MBP: variants seen among roughly 807,000 people sequenced by gnomAD.
The protein encoded by MBP is Golli-MBP.
Under a neutral mutation model 35.8 loss-of-function variants are expected in MBP, and 16 were observed. The ratio of observed to expected loss-of-function variants is 0.45; its 90% CI spans 0.30 to 0.68. MBP has a LOEUF of 0.68. Ranked by LOEUF, MBP falls within the 30% of genes least tolerant of loss-of-function variation. The pLI is 0.08. For missense variants in MBP, 380 were observed against 404.7 expected (o/e 0.94, Z 0.52); for synonymous variants, 143 against 159.6 (o/e 0.90, Z 0.78).
At chr18:77,108,535 T>C (rs1976350980) in intron 1 of MBP, 1 of 152,220 alleles carries the variant, frequency 6.6e-6, no homozygotes, top group African/African-American at 2.4e-5. Flanking sequence ...CAGTTCTAGA[T>C]CCGATTTCCA....
chr18:77,082,071 T>C (rs71360993), intron 2 of MBP, among the ~76,000 whole-genome samples: 22,624 of 149,406 alleles, frequency 0.15, 1,869 homozygotes, highest in East Asian at 0.26. Flanking sequence ...CCGGGATGGT[T>C]TCGATCTCCT....
chr18:77,027,097 T>C (rs923630369), intron 3 of MBP, among the ~76,000 whole-genome samples: 4 of 152,130 alleles, frequency 2.6e-5, no homozygotes, highest in Admixed American at 6.5e-5. Flanking sequence ...CCAGACTTCA[T>C]AGGCCAGTAA....
Position 77,124,136 on chromosome 18 carries a change from C to G in MBP, c.-26+8444G>C, listed in dbSNP as rs190568221. ...AGACGGGCCGCAACACCAGCAGTCC[C>G]CTGAACTGCTGAGAAACCTCCCTTT... On this transcript the variant is annotated intron_variant, in intron 1 of 8. Transcript: ENST00000355994. Among the ~76,000 whole-genome samples the G allele has an allele frequency of 2.2e-3, 331 of 152,310 alleles. 5 individuals carry two copies. The East Asian group carries it at 0.032, about 15-fold the overall frequency.
chr18:77,103,417 G>A (rs1477215218), intron 2 of MBP, among the ~76,000 whole-genome samples: 1 of 152,130 alleles, frequency 6.6e-6, no homozygotes, highest in African/African-American at 2.4e-5. Context: ...CATCTGCCTC[G>A]AGTTGGAGAC....
chr18:76,985,566 G>A, intron 7 of MBP: 1 of 1,099,758 alleles, frequency 9.1e-7, no homozygotes, highest in Non-Finnish European at 1.1e-6. Flanking sequence ...CGGACTGGGA[G>A]CAACAGGAGG....
intron 4 of MBP, among the ~76,000 whole-genome samples, chr18:77,001,043 C>A (rs1275928674): frequency 6.6e-6 from 1 of 152,234 alleles, no homozygotes; most frequent in Non-Finnish European, 1.5e-5. Flanking sequence ...AATTGCTTCC[C>A]TGAATCAACG....
At chr18:77,087,832 A>G (rs1436889335) in intron 2 of MBP, among the ~76,000 whole-genome samples, 1 of 152,014 alleles carries the variant, frequency 6.6e-6, no homozygotes, top group East Asian at 1.9e-4. Flanking sequence ...CACCCCACGC[A>G]CGTGGGCTGG....
Position 77,058,002 on chromosome 18 carries a change from A to AT in MBP, c.139+8295dup, listed in dbSNP as rs1293760608. 2.9e-3 allele frequency among the ~76,000 whole-genome samples: 179 copies of AT among 61,440 alleles called. 63 individuals are homozygous for AT. The highest frequency in any genetic ancestry group is 0.01 in the African/African-American group (96 of 9,390). The allele number at this position is 61,440 out of a possible 152,430, so 40.3% of individuals were successfully genotyped here. On this transcript the variant is annotated intron_variant, in intron 3 of 8. Coordinates refer to ENST00000355994, the MANE Select transcript of MBP (RefSeq NM_001025101.2). ...CCACTACGCCCGGCTAATTTTTTGT[A>AT]TTTTTTTTTTTAATAGAGACGGGGT...
intron 7 of MBP, chr18:76,985,985 C>T: frequency 2.0e-6 from 2 of 985,664 alleles, no homozygotes; most frequent in Non-Finnish European, 2.4e-6. Context: ...GGACCAGCCT[C>T]TACTTGCTAC....
Position 77,012,936 on chromosome 18 carries a change from T to C in MBP, c.576+3896A>G, listed in dbSNP as rs1971431936. 5.1e-6 allele frequency: 5 copies of C among 985,424 alleles called. No individual in the cohort carries two copies. In the South Asian group the frequency reaches 2.3e-4, roughly 46 times the overall value. The allele number at this position is 985,424 out of a possible 1,614,324, so 61.0% of individuals were successfully genotyped here. A position where few individuals can be genotyped will look rare whatever the true frequency, so the allele number is the denominator to read the frequency against. ...TCCCATGATTTACAAATGTATCGCT[T>C]ATACAGAGGAAGTTGCAAAATCACT... On this transcript the variant is annotated intron_variant, in intron 4 of 8. Coordinates refer to ENST00000355994, the MANE Select transcript of MBP (RefSeq NM_001025101.2).
chr18:76,999,280 G>A (rs1034228421), intron 4 of MBP, among the ~76,000 whole-genome samples: 4 of 152,078 alleles, frequency 2.6e-5, no homozygotes, highest in African/African-American at 7.2e-5. Context: ...AAGCCTTCCC[G>A]GAGGAGACCG....
chr18:77,040,812 T>C (rs1253432339), intron 3 of MBP, among the ~76,000 whole-genome samples: 2 of 152,200 alleles, frequency 1.3e-5, no homozygotes, highest in Non-Finnish European at 2.9e-5. Context: ...ATGTTAGACC[T>C]AAAACCATAA....
In MBP at chr18:77,069,801, C is replaced by T. The variant is rs57479973; in HGVS notation, c.52-3416G>A. On this transcript the variant is annotated intron_variant, in intron 2 of 8. Transcript: ENST00000355994. ...ACACGTTGGTCCCACAGCTATGGTG[C>T]GTCCACTCTGTTTATCCCTCACACC... Among the ~76,000 whole-genome samples the T allele has an allele frequency of 5.7e-3, 872 of 152,246 alleles. 17 individuals are homozygous for T. Among genetic ancestry groups the T allele is most frequent in the East Asian group, 0.046 (240 of 5,184 alleles).
In MBP at chr18:76,988,494, C is replaced by T. The variant is rs1969698611; in HGVS notation, c.750+1G>A. ...CCGATGGAAGTGCGTTCGTCACCTA[C>T]CCAGCTAAATCTGCTCAGGGACAGT... On this transcript the variant is annotated splice_donor_variant, in intron 7 of 8. Transcript: ENST00000355994. LOFTEE classifies it high-confidence loss of function. This position sits in a 1 kb window ranked among gnomAD's most constrained non-coding sequence, Gnocchi z 5.2. 6.2e-7 allele frequency: 1 copy of T among 1,614,160 alleles called. No homozygotes were observed. The highest frequency in any genetic ancestry group is 8.5e-7 in the Non-Finnish European group (1 of 1,180,030).
chr18:77,105,200 TCA>T lies in MBP; in HGVS notation c.51+9_51+10del, dbSNP rs1976224125. ...CAACATGCACATGTTTCGGATCAGC[TCA>T]CGTCTTACCGTACTGGCCTTCTCGG... On this transcript the variant is annotated intron_variant, in intron 2 of 8. Coordinates refer to ENST00000355994, the MANE Select transcript of MBP (RefSeq NM_001025101.2). 1.1e-5 allele frequency: 18 copies of T among 1,612,634 alleles called. No individual in the cohort carries two copies. Among genetic ancestry groups the T allele is most frequent in the African/African-American group, 2.7e-5 (2 of 74,894 alleles).
Position 76,985,293 on chromosome 18 carries a change from C to T in MBP, c.751-399G>A, listed in dbSNP as rs1433036001. ...CCTGCCTACACGGGTTTGGAGGACT[C>T]GGACCCTGGGGGGCTGTGCGCTGTG... is the stretch of plus-strand genomic sequence containing the variant. On this transcript the variant is annotated intron_variant, in intron 7 of 8. Transcript: ENST00000355994. 6.1e-6 allele frequency: 8 copies of T among 1,305,666 alleles called. No individual in the cohort carries two copies. In the Admixed American group the frequency reaches 6.7e-5, roughly 11 times the overall value. The allele number at this position is 1,305,666 out of a possible 1,614,324, so 80.9% of individuals were successfully genotyped here. A position where few individuals can be genotyped will look rare whatever the true frequency, so the allele number is the denominator to read the frequency against.
At chr18:77,100,486 C>T (rs572722654) in intron 2 of MBP, among the ~76,000 whole-genome samples, 7 of 150,660 alleles carry the variant, frequency 4.6e-5, no homozygotes, top group South Asian at 2.1e-4. Context: ...ACAGTGTTAG[C>T]GCTGGCCTAG....
At chr18:77,062,138 G>A (rs1363406376) in intron 3 of MBP, among the ~76,000 whole-genome samples, 1 of 152,204 alleles carries the variant, frequency 6.6e-6, no homozygotes, top group Non-Finnish European at 1.5e-5. Flanking sequence ...GTCAGTCACC[G>A]GGGCAGTAGT....
chr18:77,043,133 C>G (rs1314542412), intron 3 of MBP, among the ~76,000 whole-genome samples: 1 of 152,148 alleles, frequency 6.6e-6, no homozygotes. Context: ...TAGGGCCTAT[C>G]AGAATGAAGA....
Sources: gnomAD v4.1 joint callset for allele counts (sites outside exome capture counted in the v4.1 genomes callset) on GRCh38, gnomAD v4.1.1 for gene constraint, Gnocchi (gnomAD v3.1) non-coding constraint, MANE v1.5 for transcripts, NCBI Gene and HGNC (gene_info 2026-07-23, HGNC 2026-07-21) for gene names.